The following HNF4G variants were observed in gnomAD, a reference collection of about 807,000 sequenced individuals.
The protein encoded by HNF4G is hepatocyte nuclear factor 4 gamma.
A neutral mutation model predicts 50.9 loss-of-function variants in HNF4G; 21 were observed. The ratio of observed to expected loss-of-function variants is 0.41; its 90% CI spans 0.29 to 0.59. The LOEUF is 0.59. HNF4G is among the 20% of genes least tolerant of loss of function. The pLI, the probability that HNF4G is intolerant of heterozygous loss-of-function variation, is 0.26. For missense variants in HNF4G, 527 were observed against 559.4 expected, an observed-to-expected ratio of 0.94 and a Z score of 0.58; for synonymous variants, 198 against 185.6, an observed-to-expected ratio of 1.07 and a Z score of -0.54.
chr8:75,479,650 T>C (rs1465642504), intron 1 of HNF4G, among the ~76,000 whole-genome samples: 2 of 152,050 alleles, frequency 1.3e-5, no homozygotes, highest in African/African-American at 4.8e-5. Flanking sequence ...ACATATTTGT[T>C]GAACAAACAT....
In HNF4G at chr8:75,566,802, A is replaced by T. The variant is rs1182516972; in HGVS notation, c.*2706A>T. ...ACTGTGATGCTATGTTTGTTTCACT[A>T]AACTTTCTAAATAAAAACTGAGAAA... On this transcript the variant is annotated 3_prime_UTR_variant, in exon 10 of 10. Coordinates refer to ENST00000396423, the MANE Select transcript of HNF4G (RefSeq NM_004133.5). 7.2e-6 allele frequency: 1 copy of T among 139,102 alleles called. No homozygotes were observed. The highest frequency in any genetic ancestry group is 1.5e-5 in the Non-Finnish European group (1 of 65,156). 8.6% of individuals were successfully genotyped at this position (139,102 alleles called of 1,614,324 possible).
chr8:75,543,865 T>C lies in HNF4G; in HGVS notation c.173T>C (p.Leu58Pro). The change falls in exon 2 of 10, where the codon CTG becomes CCG. Residue 58 changes from leucine to proline, a missense_variant. This residue lies in a region of HNF4G where 84 missense variants were observed against 87.1 expected (regional missense o/e 0.96). Transcript: ENST00000396423. Reference protein sequence around the residue: ...MNTTDNGVNCLCAICGDRATG... With the variant: ...MNTTDNGVNCPCAICGDRATG... Reference sequence around the variant, plus strand: ...ACCACAGACAACGGTGTCAACTGTCTGTGTGCTATCTGTGGGGACAGAGCA... The same window carrying C: ...ACCACAGACAACGGTGTCAACTGTCCGTGTGCTATCTGTGGGGACAGAGCA... 1 of 1,613,850 alleles carries C rather than the reference T, an allele frequency of 6.2e-7. No individual in the cohort carries two copies. The highest frequency in any genetic ancestry group is 8.5e-7 in the Non-Finnish European group (1 of 1,179,852).
At position 75,429,885 on chromosome 8, in the gene HNF4G, T is replaced by C. The variant is rs535840958; in HGVS notation, c.-144+21723T>C. ...CAAAAAACCTAAAGATTCCAGACAG[T>C]ATATGTATATTTAAAAATTACTTTG... On this transcript the variant is annotated intron_variant, in intron 1 of 10. Transcript: ENST00000354370. 2.1e-4 allele frequency among the ~76,000 whole-genome samples: 32 copies of C among 152,164 alleles called. No homozygotes were observed. The South Asian group carries it at 6.6e-3, about 32-fold the overall frequency.
Position 75,555,503 on chromosome 8 carries a change from G to A in HNF4G, c.646-479G>A, listed in dbSNP as rs538487585. 5.3e-5 allele frequency among the ~76,000 whole-genome samples: 8 copies of A among 152,178 alleles called. No individual in the cohort carries two copies. The South Asian group carries it at 1.7e-3, about 32-fold the overall frequency. ...TCTTTGCTTTGCTTTTGTTTATTTA[G>A]TTTATTACGTGCAGGAGATTATGTT... On this transcript the variant is annotated intron_variant, in intron 5 of 9. Coordinates refer to ENST00000396423, the MANE Select transcript of HNF4G (RefSeq NM_004133.5).
intron 1 of HNF4G, among the ~76,000 whole-genome samples, chr8:75,484,297 T>TAAAATGG (rs1170576459): frequency 1.3e-5 from 2 of 152,128 alleles, no homozygotes; most frequent in Admixed American, 6.5e-5. Flanking sequence ...ATGTTTTCAG[T>TAAAATGG]AAAATGGAAA....
intron 1 of HNF4G, among the ~76,000 whole-genome samples, chr8:75,467,022 T>G (rs181596230): frequency 2.6e-4 from 40 of 152,232 alleles, no homozygotes; most frequent in African/African-American, 8.9e-4. Context: ...TGTTGTTGTT[T>G]TTTAATTTGA....
chr8:75,543,755 A>T, intron 1 of HNF4G, 56 bp from the exon 2 acceptor site: 2 of 1,427,696 alleles, frequency 1.4e-6, no homozygotes, highest in Non-Finnish European at 1.9e-6. Flanking sequence ...TTAGTAGGAC[A>T]ATTTAGTCAG....
chr8:75,470,719 G>C (rs1440819972), intron 1 of HNF4G, among the ~76,000 whole-genome samples: 1 of 152,264 alleles, frequency 6.6e-6, no homozygotes, highest in African/African-American at 2.4e-5. Context: ...ATTTTTGAAA[G>C]CCTGACATTG....
At chr8:75,547,022 A>C (rs11996890) in intron 2 of HNF4G, among the ~76,000 whole-genome samples, 2,025 of 152,190 alleles carry the variant, frequency 0.013, 32 homozygotes, top group African/African-American at 0.042. Context: ...CCACATCCTC[A>C]CCAACATTTG....
rs551413520 is a variant in HNF4G, at chr8:75,503,441, G to A, written c.-24+13233G>A. On this transcript the variant is annotated intron_variant, in intron 2 of 10. Coordinates refer to the HNF4G transcript ENST00000354370. The stretch of plus-strand genomic sequence containing the variant: ...GAGTGATAGTTCAAGAGAGTTGGGT[G>A]TACAGTGTCTCTGGCTTCCAGTGAG... 1.2e-4 allele frequency among the ~76,000 whole-genome samples: 18 copies of A among 152,282 alleles called. No individual in the cohort carries two copies. In the East Asian group the frequency reaches 3.3e-3, roughly 28 times the overall value.
intron 1 of HNF4G, among the ~76,000 whole-genome samples, chr8:75,480,999 G>A (rs1005172552): frequency 3.3e-5 from 5 of 152,146 alleles, no homozygotes; most frequent in African/African-American, 1.2e-4. Context: ...TTACAGGCGT[G>A]AGCCACTGGT....
chr8:75,516,602 A>G (rs2130736739), intron 2 of HNF4G, among the ~76,000 whole-genome samples: 1 of 152,298 alleles, frequency 6.6e-6, no homozygotes, highest in Admixed American at 6.5e-5. Context: ...TGTGTTGGTC[A>G]TCTACATCCT....
chr8:75,549,052 C>A (rs368237986), intron 3 of HNF4G, among the ~76,000 whole-genome samples: 1 of 152,100 alleles, frequency 6.6e-6, no homozygotes, highest in Admixed American at 6.6e-5. Context: ...ATGTTTATCC[C>A]CACAAAAGTG....
intron 1 of HNF4G, among the ~76,000 whole-genome samples, chr8:75,437,966 C>A (rs192704866): frequency 2.4e-4 from 37 of 152,156 alleles, no homozygotes; most frequent in African/African-American, 8.7e-4. Context: ...GTGAAATAGG[C>A]ATTTCATATA....
At chr8:75,449,797 G>A (rs77143074) in intron 1 of HNF4G, among the ~76,000 whole-genome samples, 2,608 of 152,160 alleles carry the variant, frequency 0.017, 75 homozygotes, top group East Asian at 0.15. Context: ...ATGAGCCACC[G>A]CGCCCGGCCT....
intron 1 of HNF4G, among the ~76,000 whole-genome samples, chr8:75,444,227 C>A (rs1368575692): frequency 6.6e-6 from 1 of 151,650 alleles, no homozygotes; most frequent in African/African-American, 2.4e-5. Context: ...CAAGCAAATG[C>A]TGAGAGATTT....
intron 3 of HNF4G, 29 bp downstream of exon 3, chr8:75,547,710 T>C (rs753628617): frequency 2.7e-5 from 35 of 1,311,420 alleles, no homozygotes; most frequent in Non-Finnish European, 3.9e-5. Flanking sequence ...ATAATTAACA[T>C]TATTGATGAA....
At chr8:75,443,841 C>G (rs1354858025) in intron 1 of HNF4G, among the ~76,000 whole-genome samples, 1 of 151,974 alleles carries the variant, frequency 6.6e-6, no homozygotes, top group Non-Finnish European at 1.5e-5. Flanking sequence ...AAGTCATCCC[C>G]CTCTCCATAG....
chr8:75,439,442 C>T lies in HNF4G; in HGVS notation c.-144+31280C>T, dbSNP rs145208405. On this transcript the variant is annotated intron_variant, in intron 1 of 10. Transcript: ENST00000354370. ...TGCTGATGTGCAGTATCAAGATCTT[C>T]ATTGATAATATTGTTAAATTATAGG... 3.2e-3 allele frequency among the ~76,000 whole-genome samples: 492 copies of T among 152,074 alleles called. 4 individuals are homozygous for T. The highest frequency in any genetic ancestry group is 5.6e-3 in the Non-Finnish European group (383 of 67,888).
Sources: gnomAD v4.1 joint callset for allele counts (sites outside exome capture counted in the v4.1 genomes callset) on GRCh38, gnomAD v4.1.1 for gene constraint, gnomAD v4.1.1 regional missense constraint, MANE v1.5 for transcripts, NCBI Gene and HGNC (gene_info 2026-07-23, HGNC 2026-07-21) for gene names.